WNT3: variants seen among roughly 807,000 people sequenced by gnomAD.
The protein encoded by WNT3 is Wnt family member 3.
A neutral mutation model predicts 34.2 loss-of-function variants in WNT3; 7 were observed. That is an observed-to-expected ratio of 0.20 (90% CI 0.12 to 0.38). WNT3 has a LOEUF of 0.38. Among genes scored for constraint, WNT3 ranks in the 10% least tolerant of loss-of-function variants. The pLI is 1.00. For synonymous variants in WNT3, 212 were observed against 211.5 expected (o/e 1.00, Z -0.02); for missense variants, 267 against 499.8 (o/e 0.53, Z 4.44).
chr17:46,809,339 G>GCGAGATTGGTTTTCCTTGC (rs2084239945), intron 1 of WNT3, among the ~76,000 whole-genome samples: 1 of 152,208 alleles, frequency 6.6e-6, no homozygotes, highest in Non-Finnish European at 1.5e-5. Context: ...AATGGGCCCT[G>GCGAGATTGGTTTTCCTTGC]CGAGATTGGT....
chr17:46,807,437 A>T (rs1233607907), intron 1 of WNT3, among the ~76,000 whole-genome samples: 1 of 152,320 alleles, frequency 6.6e-6, no homozygotes, highest in Middle Eastern at 3.4e-3. Flanking sequence ...AGCCGAGATC[A>T]TGCTACTGCA....
intron 1 of WNT3, among the ~76,000 whole-genome samples, chr17:46,776,497 T>C (rs2059413419): frequency 6.6e-6 from 1 of 152,224 alleles, no homozygotes; most frequent in African/African-American, 2.4e-5. Context: ...ATTGTCCCAT[T>C]TCCAAGATGA....
At chr17:46,797,981 T>G (rs868685255) in intron 1 of WNT3, among the ~76,000 whole-genome samples, 1 of 152,192 alleles carries the variant, frequency 6.6e-6, no homozygotes, top group African/African-American at 2.4e-5. Flanking sequence ...CAGGCTGGAG[T>G]GCAGTGGCGT....
chr17:46,779,369 G>A (rs2059441508), intron 1 of WNT3, among the ~76,000 whole-genome samples: 2 of 152,248 alleles, frequency 1.3e-5, no homozygotes, highest in Non-Finnish European at 1.5e-5. Flanking sequence ...GGGGGAGGGC[G>A]GAGGACCCTG....
At chr17:46,816,516 C>T (rs1209499598) in intron 1 of WNT3, among the ~76,000 whole-genome samples, 1 of 144,904 alleles carries the variant, frequency 6.9e-6, no homozygotes. Flanking sequence ...CACACACACA[C>T]CTCTCTCCTT....
intron 1 of WNT3, among the ~76,000 whole-genome samples, chr17:46,804,505 G>A (rs935427195): frequency 1.3e-5 from 2 of 152,204 alleles, no homozygotes; most frequent in African/African-American, 2.4e-5. Context: ...GACACCAGAC[G>A]GAAGCCTCTA....
chr17:46,765,319 C>T (rs1434303585), intron 4 of WNT3, among the ~76,000 whole-genome samples: 2 of 152,240 alleles, frequency 1.3e-5, no homozygotes, highest in Admixed American at 6.5e-5. Flanking sequence ...CGACTCTTGC[C>T]AGAACCTTTC....
At chr17:46,809,482 G>C (rs538000474) in intron 1 of WNT3, among the ~76,000 whole-genome samples, 1 of 152,122 alleles carries the variant, frequency 6.6e-6, no homozygotes, top group Admixed American at 6.5e-5. Flanking sequence ...CAACACACAC[G>C]TACACACACT....
intron 1 of WNT3, among the ~76,000 whole-genome samples, chr17:46,784,217 T>C (rs1255199301): frequency 6.6e-6 from 1 of 152,086 alleles, no homozygotes; most frequent in Non-Finnish European, 1.5e-5. Flanking sequence ...GAGGAAAGTA[T>C]GGCCAAAGTT....
At chr17:46,779,241 G>A (rs796212300) in intron 1 of WNT3, among the ~76,000 whole-genome samples, 11 of 152,282 alleles carry the variant, frequency 7.2e-5, no homozygotes, top group African/African-American at 2.6e-4. Context: ...CGGAGCTTCC[G>A]CCTACACACA....
At chr17:46,784,936 C>T (rs900023862) in intron 1 of WNT3, among the ~76,000 whole-genome samples, 10 of 152,120 alleles carry the variant, frequency 6.6e-5, no homozygotes, top group East Asian at 5.8e-4. Context: ...CCACCATGCC[C>T]GGCTAATTTT....
intron 1 of WNT3, among the ~76,000 whole-genome samples, chr17:46,809,438 G>C (rs1347346796): frequency 6.6e-6 from 1 of 152,182 alleles, no homozygotes; most frequent in East Asian, 1.9e-4. Flanking sequence ...AGACAGACCT[G>C]GGTGCTTGGT....
intron 1 of WNT3, among the ~76,000 whole-genome samples, chr17:46,800,107 C>CTATT (rs562494574): frequency 4.4e-4 from 67 of 152,028 alleles, no homozygotes; most frequent in South Asian, 6.2e-4. Context: ...AACAGAATTC[C>CTATT]TATTTATTTA....
chr17:46,778,831 G>A (rs1400148577), intron 1 of WNT3, among the ~76,000 whole-genome samples: 2 of 152,064 alleles, frequency 1.3e-5, no homozygotes, highest in East Asian at 1.9e-4. Context: ...ACCATCCTTT[G>A]AAACCTGATT....
intron 1 of WNT3, among the ~76,000 whole-genome samples, chr17:46,793,562 G>A (rs1422978905): frequency 1.3e-5 from 2 of 152,158 alleles, no homozygotes; most frequent in Non-Finnish European, 2.9e-5. Flanking sequence ...AGGAGGAGAG[G>A]AGACCCCCGA....
chr17:46,773,623 T>TTCCC, intron 2 of WNT3, 45 bp downstream of exon 2: 3 of 383,492 alleles, frequency 7.8e-6, no homozygotes, highest in Non-Finnish European at 1.0e-5. Context: ...TCCTGATCCC[T>TTCCC]CCCCCCACCC....
At chr17:46,814,330 C>T (rs554515507) in intron 1 of WNT3, among the ~76,000 whole-genome samples, 2 of 152,346 alleles carry the variant, frequency 1.3e-5, no homozygotes, top group East Asian at 1.9e-4. Flanking sequence ...ATTATTATAA[C>T]GTTTGACCTG....
Position 46,812,207 on chromosome 17 carries a change from C to G in WNT3, c.80+6311G>C, listed in dbSNP as rs565849281. ...CCTCTCACTGAGAGCAGGGAATTCC[C>G]TCTCTGGCAGCGGGATAAAGAAGGA... On this transcript the variant is annotated intron_variant, in intron 1 of 4. Coordinates refer to ENST00000225512, the MANE Select transcript of WNT3 (RefSeq NM_030753.5). 9.8e-5 allele frequency among the ~76,000 whole-genome samples: 15 copies of G among 152,286 alleles called. No homozygotes were observed. In the South Asian group the frequency reaches 3.1e-3, roughly 32 times the overall value.
intron 1 of WNT3, among the ~76,000 whole-genome samples, chr17:46,816,517 CT>C (rs1355759698): frequency 1.4e-5 from 2 of 140,848 alleles, no homozygotes; most frequent in African/African-American, 2.5e-5. Flanking sequence ...ACACACACAC[CT>C]CTCTCCTTGG....
Sources: gnomAD v4.1 joint callset for allele counts (sites outside exome capture counted in the v4.1 genomes callset) on GRCh38, gnomAD v4.1.1 for gene constraint, MANE v1.5 for transcripts, NCBI Gene and HGNC (gene_info 2026-07-23, HGNC 2026-07-21) for gene names.